The following PGM5 variants were observed in gnomAD, a reference collection of about 807,000 sequenced individuals.
PGM5 encodes phosphoglucomutase-like protein 5.
A neutral mutation model predicts 59.2 loss-of-function variants in PGM5; 23 were observed. The observed-to-expected ratio is 0.39, with a 90% confidence interval of 0.28 to 0.55. The LOEUF (loss-of-function observed/expected upper bound fraction) is 0.55, where lower values mean the gene tolerates loss of function less well. Ranked by LOEUF, PGM5 falls within the 20% of genes least tolerant of loss-of-function variation. PGM5 has a pLI of 0.66. For synonymous variants in PGM5, 214 were observed against 286.0 expected (o/e 0.75, Z 2.54); for missense variants, 574 against 748.3 (o/e 0.77, Z 2.72).
At chr9:68,445,784 G>A (rs1823601721) in intron 6 of PGM5, among the ~76,000 whole-genome samples, 1 of 152,196 alleles carries the variant, frequency 6.6e-6, no homozygotes, top group African/African-American at 2.4e-5. Flanking sequence ...TTAACCTTCA[G>A]GCTAAACATT....
chr9:68,478,265 A>G (rs1168602237), intron 7 of PGM5, among the ~76,000 whole-genome samples: 4 of 152,222 alleles, frequency 2.6e-5, no homozygotes, highest in African/African-American at 2.4e-5. Context: ...GCCTGATGCA[A>G]TAAGAACTGC....
Position 68,529,785 on chromosome 9 carries a change from A to G in PGM5, c.*129A>G. 2.5e-6 allele frequency: 1 copy of G among 394,398 alleles called. No homozygotes were observed. Among genetic ancestry groups the G allele is most frequent in the South Asian group, 2.5e-5 (1 of 39,444 alleles). The allele number at this position is 394,398 out of a possible 1,614,324, so 24.4% of individuals were successfully genotyped here. ...ACAAAAGATATTTTGCTTTTGGGGGATAGAGGGTGGGTGGGAAAAGAAAAA... is the reference window on the plus strand; with the variant it reads ...ACAAAAGATATTTTGCTTTTGGGGGGTAGAGGGTGGGTGGGAAAAGAAAAA... On this transcript the variant is annotated 3_prime_UTR_variant, in exon 11 of 11. Transcript: ENST00000396396.
chr9:68,519,158 T>C (rs1276766981), intron 10 of PGM5, among the ~76,000 whole-genome samples: 1 of 151,518 alleles, frequency 6.6e-6, no homozygotes, highest in Non-Finnish European at 1.5e-5. Flanking sequence ...GCTGAGAGAG[T>C]ATCTACACAA....
intron 6 of PGM5, 57 bp from the exon 7 acceptor site, chr9:68,465,036 A>G (rs1587818801): frequency 2.0e-6 from 2 of 1,015,910 alleles, no homozygotes; most frequent in African/African-American, 3.9e-5. Flanking sequence ...CTGTGCTGAG[A>G]AAAAAAAACA....
At chr9:68,379,906 C>T (rs1384877246) in intron 2 of PGM5, among the ~76,000 whole-genome samples, 1 of 151,810 alleles carries the variant, frequency 6.6e-6, no homozygotes, top group Non-Finnish European at 1.5e-5. Context: ...GAGGACATAA[C>T]AATTGTAAAC....
At chr9:68,484,373 CAAAAAAAA>C (rs1188951508) in intron 9 of PGM5, among the ~76,000 whole-genome samples, 1 of 106,336 alleles carries the variant, frequency 9.4e-6, no homozygotes, top group Non-Finnish European at 2.1e-5. Context: ...CCATCTCTAC[CAAAAAAAA>C]AAAAAAAAAA....
At chr9:68,396,207 A>G (rs1304644922) in intron 6 of PGM5, 3 of 152,218 alleles carry the variant, frequency 2.0e-5, no homozygotes, top group Non-Finnish European at 2.9e-5. Context: ...CTCTCCTCAT[A>G]TTAAAGATGT....
chr9:68,417,423 G>C (rs559161987), intron 6 of PGM5, among the ~76,000 whole-genome samples: 2 of 135,756 alleles, frequency 1.5e-5, no homozygotes, highest in East Asian at 3.9e-4. Flanking sequence ...CCCTGGGCCC[G>C]GGGGACGTGT....
intron 6 of PGM5, among the ~76,000 whole-genome samples, chr9:68,459,134 G>A (rs1384870270): frequency 2.6e-5 from 4 of 152,154 alleles, no homozygotes; most frequent in Non-Finnish European, 4.4e-5. Flanking sequence ...TTGGGATTGT[G>A]TAAACATCAC....
chr9:68,458,503 C>T (rs1401183198), intron 6 of PGM5, among the ~76,000 whole-genome samples: 1 of 152,048 alleles, frequency 6.6e-6, no homozygotes, highest in Non-Finnish European at 1.5e-5. Flanking sequence ...ATATTTAGTT[C>T]CCTTTGGTTT....
At position 68,391,724 on chromosome 9, in the gene PGM5, G is replaced by A. The variant is rs375622767; in HGVS notation, c.888G>A (p.Gly296=). 6.2e-6 allele frequency: 10 copies of A among 1,612,792 alleles called. No homozygotes were observed. The highest frequency in any genetic ancestry group is 5.0e-5 in the Admixed American group (3 of 59,920). ...YGFGAAFDAD[G]DRYMILGQNG... ...TTGGAGCTGCATTTGATGCTGATGG[G>A]GTAAGTAGGAAAGCTGTCTGTCTGC... The change falls in exon 5 of 11, where the codon GGG becomes GGA. Residue 296 remains glycine (G), a splice_region_variant and synonymous_variant. Transcript: ENST00000396396.
chr9:68,506,920 C>T (rs1171281349), intron 10 of PGM5, among the ~76,000 whole-genome samples: 1 of 152,134 alleles, frequency 6.6e-6, no homozygotes, highest in Non-Finnish European at 1.5e-5. Context: ...GTTTGGATTA[C>T]AGTTTATAGC....
intron 6 of PGM5, among the ~76,000 whole-genome samples, chr9:68,444,844 C>T (rs1554683916): frequency 6.6e-6 from 1 of 152,116 alleles, no homozygotes; most frequent in Non-Finnish European, 1.5e-5. Context: ...AGAAGGGGTA[C>T]AGGAAGGAGT....
chr9:68,374,081 C>T (rs1447089787), intron 1 of PGM5, among the ~76,000 whole-genome samples: 2 of 152,306 alleles, frequency 1.3e-5, no homozygotes, highest in Non-Finnish European at 2.9e-5. Flanking sequence ...AGCTGTTCCT[C>T]AGCATTGACT....
chr9:68,527,811 A>G (rs1034321514), intron 10 of PGM5, among the ~76,000 whole-genome samples: 1 of 152,204 alleles, frequency 6.6e-6, no homozygotes, highest in Admixed American at 6.5e-5. Context: ...TTGCTGCCAG[A>G]TCAATATTTC....
intron 6 of PGM5, among the ~76,000 whole-genome samples, chr9:68,422,468 TG>T (rs1823149261): frequency 6.6e-6 from 1 of 152,020 alleles, no homozygotes; most frequent in Non-Finnish European, 1.5e-5. Flanking sequence ...TTTTGTTTTT[TG>T]TTTTTTTGAG....
intron 10 of PGM5, among the ~76,000 whole-genome samples, chr9:68,512,478 G>T (rs782234091): frequency 4.6e-5 from 7 of 152,180 alleles, no homozygotes; most frequent in Non-Finnish European, 8.8e-5. Context: ...TGAGTGTGTT[G>T]ACAGAGCTGG....
At chr9:68,371,185 C>A (rs1437778689) in intron 1 of PGM5, among the ~76,000 whole-genome samples, 1 of 152,196 alleles carries the variant, frequency 6.6e-6, no homozygotes, top group African/African-American at 2.4e-5. Context: ...GGTGAGGTTG[C>A]CCTTCTTCCA....
chr9:68,443,289 C>T (rs1823557127), intron 6 of PGM5, among the ~76,000 whole-genome samples: 1 of 152,190 alleles, frequency 6.6e-6, no homozygotes, highest in Non-Finnish European at 1.5e-5. Context: ...TGTATCATCC[C>T]ATTTGTATTA....
Sources: allele counts gnomAD v4.1 joint callset (sites outside exome capture counted in the v4.1 genomes callset), GRCh38; gene constraint gnomAD v4.1.1; transcripts MANE v1.5; gene names NCBI Gene and HGNC (gene_info 2026-07-23, HGNC 2026-07-21).